Variants in CHRNB3 observed in about 807,000 individuals in gnomAD.
CHRNB3 encodes cholinergic receptor nicotinic beta 3 subunit, also known as neuronal acetylcholine receptor subunit beta-3.
In CHRNB3, 37 loss-of-function variants were observed where a neutral mutation model predicts 40.6. The observed-to-expected ratio is 0.91, with a 90% CI of 0.70 to 1.20. The LOEUF (loss-of-function observed/expected upper bound fraction) is 1.20, where lower values mean the gene tolerates loss of function less well. Ranked by LOEUF, CHRNB3 falls within the 50% of genes most tolerant of loss-of-function variation. The pLI, the probability that CHRNB3 is intolerant of heterozygous loss-of-function variation, is 0.00. For missense variants in CHRNB3, 505 were observed against 551.2 expected, an observed-to-expected ratio of 0.92 and a Z score of 0.84; for synonymous variants, 207 against 207.1, an observed-to-expected ratio of 1.00 and a Z score of 0.00.
intron 3 of CHRNB3, among the ~76,000 whole-genome samples, chr8:42,720,357 G>T (rs978184066): frequency 1.3e-5 from 2 of 151,734 alleles, no homozygotes; most frequent in Non-Finnish European, 2.9e-5. Flanking sequence ...CTCGTGATCT[G>T]CCCGCCTTGG....
At chr8:42,736,246 A>G (rs1017319424) in intron 5 of CHRNB3, among the ~76,000 whole-genome samples, 5 of 152,240 alleles carry the variant, frequency 3.3e-5, no homozygotes, top group African/African-American at 2.4e-5. Context: ...ACAGAATTCT[A>G]TTGTTTCTAT....
chr8:42,704,637 T>C (rs560649802), intron 1 of CHRNB3, among the ~76,000 whole-genome samples: 57 of 152,298 alleles, frequency 3.7e-4, no homozygotes, highest in African/African-American at 1.3e-3. Flanking sequence ...CTCTCTCTTA[T>C]GTGTCCAAAA....
chr8:42,727,581 T>A (rs1395676420), intron 3 of CHRNB3, among the ~76,000 whole-genome samples: 2 of 152,062 alleles, frequency 1.3e-5, no homozygotes, highest in Non-Finnish European at 2.9e-5. Flanking sequence ...TTCAACCCAT[T>A]CCTGCACCTT....
At chr8:42,736,442 G>A in intron 5 of CHRNB3, 42 bp from the exon 6 acceptor site, 2 of 1,610,228 alleles carry the variant, frequency 1.2e-6, no homozygotes, top group Non-Finnish European at 1.7e-6. Flanking sequence ...CAGAACAGTT[G>A]CTCAGTGTCT....
chr8:42,734,700 T>C (rs749158926), intron 5 of CHRNB3, among the ~76,000 whole-genome samples: 6 of 151,686 alleles, frequency 4.0e-5, no homozygotes, highest in Non-Finnish European at 8.8e-5. Flanking sequence ...ATTACAGGCC[T>C]GAGCCACTGC....
At chr8:42,704,003 G>A (rs75223245) in intron 1 of CHRNB3, among the ~76,000 whole-genome samples, 1 of 152,096 alleles carries the variant, frequency 6.6e-6, no homozygotes, top group African/African-American at 2.4e-5. Flanking sequence ...TTTTATTAGG[G>A]GGATAAAGTC....
At chr8:42,717,626 G>A (rs956148817) in intron 3 of CHRNB3, among the ~76,000 whole-genome samples, 4 of 151,500 alleles carry the variant, frequency 2.6e-5, no homozygotes, top group African/African-American at 7.3e-5. Context: ...TAAGAATTGC[G>A]TAGGGGTCAA....
At chr8:42,714,368 G>A (rs1181406184) in intron 3 of CHRNB3, among the ~76,000 whole-genome samples, 1 of 151,990 alleles carries the variant, frequency 6.6e-6, no homozygotes, top group Admixed American at 6.6e-5. Context: ...CAGGCGTGGT[G>A]GTGGGCACCT....
At chr8:42,726,113 T>A in intron 3 of CHRNB3, 1 of 1,233,424 alleles carries the variant, frequency 8.1e-7, no homozygotes. Context: ...TCTCTGCTCC[T>A]TCTTTGCCAA....
At position 42,697,462 on chromosome 8, in the gene CHRNB3, T is replaced by C. The variant is rs1815695805; in HGVS notation, c.-85T>C. On this transcript the variant is annotated 5_prime_UTR_variant, in exon 1 of 6. Transcript: ENST00000289957. The stretch of plus-strand genomic sequence containing the variant: ...TTCCACTTCGGATTTTGAACCCCTG[T>C]ATTTTCTTTTCAAAACCCCCTTTTC... 8.3e-7 allele frequency: 1 copy of C among 1,205,026 alleles called. No individual in the cohort carries two copies. The highest frequency in any genetic ancestry group is 2.3e-5 in the East Asian group (1 of 42,656). The allele number at this position is 1,205,026 out of a possible 1,614,324, so 74.6% of individuals were successfully genotyped here. A position where few individuals can be genotyped will look rare whatever the true frequency, so the allele number is the denominator to read the frequency against.
chr8:42,710,035 C>T (rs1382227360), intron 2 of CHRNB3, among the ~76,000 whole-genome samples: 2 of 152,266 alleles, frequency 1.3e-5, no homozygotes, highest in East Asian at 3.9e-4. Context: ...AAGCAAAATC[C>T]GCATGCCATT....
chr8:42,734,133 G>A (rs1019280709), intron 5 of CHRNB3, among the ~76,000 whole-genome samples: 2 of 149,870 alleles, frequency 1.3e-5, no homozygotes, highest in Non-Finnish European at 3.0e-5. Context: ...GTGGGAGCCT[G>A]TAGTCCCAGC....
At chr8:42,713,612 G>A (rs1187833031) in intron 3 of CHRNB3, among the ~76,000 whole-genome samples, 1 of 152,160 alleles carries the variant, frequency 6.6e-6, no homozygotes, top group Non-Finnish European at 1.5e-5. Flanking sequence ...GGCTTCTAGT[G>A]TATCTAAATA....
chr8:42,723,002 T>A (rs564829959), intron 3 of CHRNB3, among the ~76,000 whole-genome samples: 1 of 152,158 alleles, frequency 6.6e-6, no homozygotes, highest in African/African-American at 2.4e-5. Context: ...ATCCTATTAC[T>A]TAGATATTTA....
intron 3 of CHRNB3, among the ~76,000 whole-genome samples, chr8:42,714,209 T>G (rs980991108): frequency 5.9e-5 from 9 of 152,048 alleles, no homozygotes; most frequent in Non-Finnish European, 1.2e-4. Flanking sequence ...TAAAAAGAGC[T>G]TTTTGGCCGG....
chr8:42,720,949 T>C (rs1184277164), intron 3 of CHRNB3, among the ~76,000 whole-genome samples: 1 of 152,246 alleles, frequency 6.6e-6, no homozygotes, highest in Non-Finnish European at 1.5e-5. Context: ...GGAAGGAAAC[T>C]GGATCCAAGA....
At chr8:42,700,039 A>G (rs1005219704) in intron 1 of CHRNB3, among the ~76,000 whole-genome samples, 7 of 147,430 alleles carry the variant, frequency 4.7e-5, no homozygotes, top group African/African-American at 7.9e-5. Context: ...TTTGAGATGG[A>G]GTCTCGCTCT....
At chr8:42,701,056 C>T (rs948581915) in intron 1 of CHRNB3, among the ~76,000 whole-genome samples, 1 of 151,620 alleles carries the variant, frequency 6.6e-6, no homozygotes, top group Non-Finnish European at 1.5e-5. Context: ...GGTGAAACCC[C>T]GTCTCTACTA....
At chr8:42,717,681 C>T (rs947415594) in intron 3 of CHRNB3, among the ~76,000 whole-genome samples, 2 of 151,914 alleles carry the variant, frequency 1.3e-5, no homozygotes, top group African/African-American at 4.8e-5. Flanking sequence ...ACCTCTCTGA[C>T]CCTCAGTCTC....
Sources: gnomAD v4.1 joint callset for allele counts (sites outside exome capture counted in the v4.1 genomes callset) on GRCh38, gnomAD v4.1.1 for gene constraint, MANE v1.5 for transcripts, NCBI Gene and HGNC (gene_info 2026-07-23, HGNC 2026-07-21) for gene names.